Variants in SERPINA1 observed in about 807,000 individuals in gnomAD.
SERPINA1 encodes alpha-1-antitrypsin.
SERPINA1 carries 21 observed loss-of-function variants against 25.4 expected under a neutral mutation model. That is an observed-to-expected ratio of 0.83 (90% CI 0.59 to 1.19). The LOEUF (loss-of-function observed/expected upper bound fraction) is 1.19. SERPINA1 is among the 50% of genes most tolerant of loss of function. The pLI, the probability that SERPINA1 is intolerant of heterozygous loss-of-function variation, is 0.00. For missense variants in SERPINA1, 546 were observed against 509.0 expected, an observed-to-expected ratio of 1.07 and a Z score of -0.70; for synonymous variants, 218 against 211.1, an observed-to-expected ratio of 1.03 and a Z score of -0.29.
At chr14:94,384,990 A>C (rs1897199145) in intron 1 of SERPINA1, among the ~76,000 whole-genome samples, 1 of 152,244 alleles carries the variant, frequency 6.6e-6, no homozygotes, top group Admixed American at 6.5e-5. Context: ...TGTTGTTAGA[A>C]CTAAAGACGG....
chr14:94,386,355 G>A (rs2749531), intron 1 of SERPINA1, among the ~76,000 whole-genome samples: 33,537 of 152,086 alleles, frequency 0.22, 4,739 homozygotes, highest in East Asian at 0.58. Flanking sequence ...ATTTCTACCC[G>A]GGAGCATAAA....
At position 94,378,340 on chromosome 14, in the gene SERPINA1, T is replaced by G; in HGVS notation, c.*109A>C. ...GGCAAAGGGAGACTCAGAGAAAACATGGGAGGGATTTACAGTCACATGCAG... is the reference window on the plus strand; with the variant it reads ...GGCAAAGGGAGACTCAGAGAAAACAGGGGAGGGATTTACAGTCACATGCAG... On this transcript the variant is annotated 3_prime_UTR_variant, in exon 5 of 5. Coordinates refer to ENST00000393087, the MANE Select transcript of SERPINA1 (RefSeq NM_000295.5). The G allele has an allele frequency of 3.2e-6, 3 of 948,932 alleles. No individual in the cohort carries two copies. The highest frequency in any genetic ancestry group is 5.1e-6 in the Non-Finnish European group (3 of 593,450). The allele number at this position is 948,932 out of a possible 1,614,324, so 58.8% of individuals were successfully genotyped here. A position where few individuals can be genotyped will look rare whatever the true frequency, so the allele number is the denominator to read the frequency against.
chr14:94,385,808 C>A (rs952228187), intron 1 of SERPINA1, among the ~76,000 whole-genome samples: 2 of 152,174 alleles, frequency 1.3e-5, no homozygotes, highest in South Asian at 4.1e-4. Context: ...TTCCCCCACA[C>A]CCATCCATCT....
intron 4 of SERPINA1, 30 bp from the exon 5 acceptor site, chr14:94,378,670 T>C: frequency 1.2e-6 from 2 of 1,604,584 alleles, no homozygotes; most frequent in Non-Finnish European, 1.7e-6. Context: ...AGACACGTTG[T>C]AAGGCTGATC....
intron 1 of SERPINA1, among the ~76,000 whole-genome samples, chr14:94,387,862 CG>C (rs1004959310): frequency 6.6e-6 from 1 of 152,122 alleles, no homozygotes; most frequent in African/African-American, 2.4e-5. Context: ...TGAGCTTAGC[CG>C]TGGCCTGGTG....
intron 4 of SERPINA1, 126 bp from the exon 5 acceptor site, chr14:94,378,766 T>C (rs961622800): frequency 1.9e-5 from 19 of 1,003,392 alleles, no homozygotes; most frequent in Non-Finnish European, 2.8e-5. Flanking sequence ...ATCCTCTCCC[T>C]CCCTGTCACA....
Position 94,380,956 on chromosome 14 carries a change from GGAA to G in SERPINA1, c.829_831del (p.Phe277del). ...TGCTGTAGTTTCCCCTCATCAGGCA[GGAA>G]GAAGATGGCGGTGGCATTGCCCAGG... is the stretch of plus-strand genomic sequence containing the variant. On this transcript the variant is annotated inframe_deletion, in exon 3 of 5. Coordinates refer to ENST00000393087, the MANE Select transcript of SERPINA1 (RefSeq NM_000295.5). The G allele has an allele frequency of 6.2e-7, 1 of 1,614,208 alleles. No homozygotes were observed. The highest frequency in any genetic ancestry group is 1.1e-5 in the South Asian group (1 of 91,084).
At chr14:94,388,012 G>T (rs1194422304) in intron 1 of SERPINA1, among the ~76,000 whole-genome samples, 2 of 152,114 alleles carry the variant, frequency 1.3e-5, no homozygotes, top group African/African-American at 4.8e-5. Context: ...CTGAGGCCTG[G>T]CACAGGTCTG....
chr14:94,380,745 G>T, intron 3 of SERPINA1, 126 bp downstream of exon 3: 1 of 1,236,102 alleles, frequency 8.1e-7, no homozygotes, highest in Non-Finnish European at 1.2e-6. Context: ...TTTATACAGA[G>T]TAGCAGTGAC....
chr14:94,383,532 A>G, intron 1 of SERPINA1: 1 of 499,820 alleles, frequency 2.0e-6, no homozygotes, highest in Non-Finnish European at 3.6e-6. Context: ...GAAGAAACCA[A>G]AGCCAGAGAG....
chr14:94,379,597 T>TGTAAGCTGGCAGACCTGTCGTGCAG lies in SERPINA1; in HGVS notation c.918-11_931dup (p.His311ProfsTer20). 1 of 1,614,188 alleles carries TGTAAGCTGGCAGACCTGTCGTGCAG rather than the reference T, an allele frequency of 6.2e-7. No homozygotes were observed. The highest frequency in any genetic ancestry group is 8.5e-7 in the Non-Finnish European group (1 of 1,180,036). The stretch of plus-strand genomic sequence containing the variant: ...TCCAGTAATGGACAGTTTGGGTAAA[T>TGTAAGCTGGCAGACCTGTCGTGCAG]GTAAGCTGGCAGACCTGTCGTGCAG... On this transcript the variant is annotated frameshift_variant, in exon 4 of 5. Coordinates refer to ENST00000393087, the MANE Select transcript of SERPINA1 (RefSeq NM_000295.5). LOFTEE classifies it high-confidence loss of function.
At chr14:94,384,468 G>A (rs1170452789) in intron 1 of SERPINA1, among the ~76,000 whole-genome samples, 1 of 152,140 alleles carries the variant, frequency 6.6e-6, no homozygotes, top group Non-Finnish European at 1.5e-5. Flanking sequence ...GAGTGGTGGG[G>A]CCTGTGGCTG....
At chr14:94,386,566 G>A (rs997620095) in intron 1 of SERPINA1, among the ~76,000 whole-genome samples, 4 of 152,176 alleles carry the variant, frequency 2.6e-5, no homozygotes, top group South Asian at 2.1e-4. Context: ...CCTTTGGACA[G>A]GGATGAGGAA....
chr14:94,379,389 A>G (rs1331696310), intron 4 of SERPINA1, 75 bp downstream of exon 4: 2 of 1,595,822 alleles, frequency 1.3e-6, no homozygotes, highest in Non-Finnish European at 1.7e-6. Context: ...CCTCAGCCTC[A>G]GGACAGAGCT....
chr14:94,381,687 G>A (rs1230946540), intron 2 of SERPINA1, among the ~76,000 whole-genome samples: 2 of 152,160 alleles, frequency 1.3e-5, no homozygotes, highest in South Asian at 2.1e-4. Flanking sequence ...GAGTGGACAG[G>A]GGCCTCAGGG....
Position 94,380,898 on chromosome 14 carries a change from G to T in SERPINA1, c.890C>A (p.Thr297Asn), listed in dbSNP as rs752776707. 3.7e-6 allele frequency: 6 copies of T among 1,614,210 alleles called. No homozygotes were observed. Among genetic ancestry groups the T allele is most frequent in the Non-Finnish European group, 5.1e-6 (6 of 1,180,034 alleles). The stretch of plus-strand genomic sequence containing the variant: ...TCTGTCTTCATTTTCCAGGAACTTG[G>T]TGATGATATCGTGGGTGAGTTCATT... Reference protein sequence around the residue: ...LENELTHDIITKFLENEDRRS... With the variant: ...LENELTHDIINKFLENEDRRS... The change falls in exon 3 of 5, where the codon ACC becomes AAC. Residue 297 changes from threonine to asparagine, a missense_variant. Physicochemically the swap from Thr to Asn is moderately conservative, Grantham distance 65. Coordinates refer to ENST00000393087, the MANE Select transcript of SERPINA1 (RefSeq NM_000295.5).
rs748608984 is a variant in SERPINA1, at chr14:94,383,208, G to A, written c.30C>T (p.Leu10=). ...CCAGGCAGCACAGGCCTGCCAGCAG[G>A]AGGATGCCCCACGAGACAGAAGACG... The part of the protein sequence containing the change: MPSSVSWGI[L]LLAGLCCLVP... Residue 10 remains leucine (L), a synonymous_variant, in exon 2 of 5, where the codon CTC becomes CTT. Transcript: ENST00000393087. 24 of 1,613,864 alleles carry A rather than the reference G, an allele frequency of 1.5e-5. No homozygotes were observed. The South Asian group carries it at 2.4e-4, about 16-fold the overall frequency.
chr14:94,380,394 G>A (rs1896806873), intron 3 of SERPINA1, among the ~76,000 whole-genome samples: 1 of 152,234 alleles, frequency 6.6e-6, no homozygotes, highest in Admixed American at 6.5e-5. Flanking sequence ...CAAGCCTTCT[G>A]CGAACATGGC....
chr14:94,388,346 G>C (rs1266310781), intron 1 of SERPINA1, among the ~76,000 whole-genome samples: 2 of 152,136 alleles, frequency 1.3e-5, no homozygotes, highest in African/African-American at 4.8e-5. Flanking sequence ...GGTACCGAGG[G>C]GGGACCGGGC....
Sources: gnomAD v4.1 joint callset for allele counts (sites outside exome capture counted in the v4.1 genomes callset) on GRCh38, gnomAD v4.1.1 for gene constraint, MANE v1.5 for transcripts, NCBI Gene and HGNC (gene_info 2026-07-23, HGNC 2026-07-21) for gene names.